Variants in CHD9 observed in about 807,000 individuals in gnomAD.
CHD9 encodes ATP-dependent chromatin remodeler CHD9.
In CHD9, 77 loss-of-function variants were observed where a neutral mutation model predicts 316.1. The observed-to-expected ratio is 0.24, with a 90% CI of 0.20 to 0.29. The LOEUF is 0.29. Ranked by LOEUF, CHD9 falls within the 10% of genes least tolerant of loss-of-function variation. The probability of loss-of-function intolerance (pLI) is 1.00; values close to 1 mark genes in which losing one functional copy is unlikely to be tolerated. For missense variants in CHD9, 2,763 were observed against 3,438.1 expected, an observed-to-expected ratio of 0.80 and a Z score of 4.91; for synonymous variants, 1,129 against 1,158.3, an observed-to-expected ratio of 0.97 and a Z score of 0.51.
At chr16:53,238,237 TA>T in intron 11 of CHD9, 105 bp from the exon 12 acceptor site, 1 of 1,085,762 alleles carries the variant, frequency 9.2e-7, no homozygotes, top group Non-Finnish European at 1.3e-6. Context: ...TACATTTTTA[TA>T]AATGCAACTA....
In CHD9 at chr16:53,303,836, T is replaced by C; in HGVS notation, c.5830T>C (p.Leu1944=). ...GGAACAGGCCCTTCGACATCCACAGTTGTTTGAACGCTTGAAGCTTTGCCA... is the reference window on the plus strand; with the variant it reads ...GGAACAGGCCCTTCGACATCCACAGCTGTTTGAACGCTTGAAGCTTTGCCA... The part of the protein sequence containing the change: ...VREQALRHPQ[L]FERLKLCHPN... The change falls in exon 31 of 39, where the codon TTG becomes CTG. Residue 1944 remains leucine (L), a synonymous_variant. Coordinates refer to ENST00000447540, the MANE Select transcript of CHD9 (RefSeq NM_001308319.2). The C allele has an allele frequency of 6.2e-7, 1 of 1,614,018 alleles. No homozygotes were observed. The highest frequency in any genetic ancestry group is 8.5e-7 in the Non-Finnish European group (1 of 1,179,888).
chr16:53,148,563 C>T (rs779194878), intron 1 of CHD9, among the ~76,000 whole-genome samples: 9 of 152,180 alleles, frequency 5.9e-5, no homozygotes, highest in Admixed American at 2.0e-4. Context: ...AGTGATATCT[C>T]ATTGTGATTT....
At chr16:53,135,135 C>G (rs2039620744) in intron 1 of CHD9, among the ~76,000 whole-genome samples, 1 of 152,004 alleles carries the variant, frequency 6.6e-6, no homozygotes, top group Non-Finnish European at 1.5e-5. Flanking sequence ...TGTTTGAAGG[C>G]TATGACACAG....
chr16:53,319,802 C>A (rs976416873), intron 37 of CHD9: 1 of 1,255,630 alleles, frequency 8.0e-7, no homozygotes, highest in Admixed American at 2.4e-5. Context: ...TCTTGAGTCT[C>A]TCGGGTACAG....
intron 37 of CHD9, among the ~76,000 whole-genome samples, chr16:53,320,844 T>C (rs2057227942): frequency 6.6e-6 from 1 of 152,148 alleles, no homozygotes. Flanking sequence ...AGGGTGTCAA[T>C]ATATATAATC....
intron 1 of CHD9, among the ~76,000 whole-genome samples, chr16:53,148,225 T>G (rs999377352): frequency 1.3e-5 from 2 of 151,852 alleles, no homozygotes; most frequent in African/African-American, 2.4e-5. Flanking sequence ...TATATAAAAT[T>G]TTGCTTATTT....
chr16:53,224,376 A>C (rs1011459928), intron 4 of CHD9, among the ~76,000 whole-genome samples: 28 of 152,210 alleles, frequency 1.8e-4, no homozygotes, highest in African/African-American at 6.5e-4. Context: ...TACCTAAGTA[A>C]TGTGTAACTA....
At chr16:53,121,481 A>C (rs2152655172) in intron 1 of CHD9, 1 of 454,674 alleles carries the variant, frequency 2.2e-6, no homozygotes, top group South Asian at 1.6e-5. Flanking sequence ...TTTGAACTGT[A>C]AAGTAGGATC....
chr16:53,056,204 T>C lies in CHD9; in HGVS notation c.-165+1127T>C, dbSNP rs554384807. On this transcript the variant is annotated intron_variant, in intron 1 of 38. Transcript: ENST00000447540. ...CTGCGCCCCGCTGACCCCTTATGTTTATATAACAGCAGTGTTACTAACATG... is the reference window on the plus strand; with the variant it reads ...CTGCGCCCCGCTGACCCCTTATGTTCATATAACAGCAGTGTTACTAACATG... Among the ~76,000 whole-genome samples, 233 of 152,310 alleles carry C rather than the reference T, an allele frequency of 1.5e-3. 4 individuals carry two copies. In the Middle Eastern group the frequency reaches 0.017, roughly 11 times the overall value.
intron 4 of CHD9, among the ~76,000 whole-genome samples, chr16:53,226,117 AC>A (rs1022018919): frequency 5.3e-5 from 8 of 152,256 alleles, no homozygotes; most frequent in Admixed American, 2.0e-4. Context: ...TTCCAAATTA[AC>A]ATAATAAAAG....
Position 53,156,022 on chromosome 16 carries a change from T to G in CHD9, c.-68T>G. ...GACCTTCGGAAATGATCCAATAATA[T>G]CTACTATAGAGAAGCTGAATATACT... On this transcript the variant is annotated 5_prime_UTR_variant, in exon 2 of 39. Coordinates refer to ENST00000447540, the MANE Select transcript of CHD9 (RefSeq NM_001308319.2). 2.1e-6 allele frequency: 3 copies of G among 1,433,076 alleles called. No homozygotes were observed. Among genetic ancestry groups the G allele is most frequent in the Non-Finnish European group, 2.8e-6 (3 of 1,063,008 alleles). 88.8% of individuals were successfully genotyped at this position (1,433,076 alleles called of 1,614,324 possible).
In CHD9 at chr16:53,254,178, A is replaced by G. The variant is rs533844862; in HGVS notation, c.3862-260A>G. On this transcript the variant is annotated intron_variant, in intron 17 of 38. Transcript: ENST00000447540. ...GGTGACAGAGCAAGACTCCATCTCA[A>G]AAAACAAACAAAAAAAATAGTCCTT... 8.5e-5 allele frequency among the ~76,000 whole-genome samples: 13 copies of G among 152,282 alleles called. No homozygotes were observed. The East Asian group carries it at 2.5e-3, about 29-fold the overall frequency.
intron 2 of CHD9, among the ~76,000 whole-genome samples, chr16:53,180,832 C>T (rs898425849): frequency 2.6e-5 from 4 of 151,870 alleles, no homozygotes; most frequent in East Asian, 1.9e-4. Context: ...CCCGCCACCA[C>T]GCCCGGCTAA....
At chr16:53,316,125 G>T (rs1202141897) in intron 36 of CHD9, among the ~76,000 whole-genome samples, 1 of 152,036 alleles carries the variant, frequency 6.6e-6, no homozygotes, top group Non-Finnish European at 1.5e-5. Context: ...GTCTTGCTCA[G>T]GCCGGTCTCA....
chr16:53,277,958 C>T (rs2053018651), intron 24 of CHD9, among the ~76,000 whole-genome samples: 2 of 151,800 alleles, frequency 1.3e-5, no homozygotes, highest in South Asian at 2.1e-4. Context: ...TCCTGTACAC[C>T]AGCAGCGACC....
intron 2 of CHD9, among the ~76,000 whole-genome samples, chr16:53,192,307 A>T (rs78403859): frequency 0.014 from 2,136 of 152,328 alleles, 45 homozygotes; most frequent in African/African-American, 0.049. Flanking sequence ...CCAGAAATCT[A>T]GGAATAGGTA....
At chr16:53,150,436 C>T (rs1339966166) in intron 1 of CHD9, among the ~76,000 whole-genome samples, 1 of 152,188 alleles carries the variant, frequency 6.6e-6, no homozygotes, top group Non-Finnish European at 1.5e-5. Flanking sequence ...CATCGGTCTA[C>T]ATTGTGTGCT....
At chr16:53,075,032 G>A (rs1157858805) in intron 1 of CHD9, among the ~76,000 whole-genome samples, 4 of 152,186 alleles carry the variant, frequency 2.6e-5, no homozygotes, top group African/African-American at 4.8e-5. Context: ...AAAGCCAGAG[G>A]GGCAGAGCTG....
At position 53,303,968 on chromosome 16, in the gene CHD9, C is replaced by A. The variant is rs759000971; in HGVS notation, c.5962C>A (p.Arg1988Ser). Residue 1988 changes from arginine to serine, a missense_variant, in exon 31 of 39, where the codon CGT becomes AGT. Arg to Ser is a moderately radical substitution (Grantham distance 110). Around this residue, in one of 15 missense-constraint regions of CHD9, gnomAD observed 663 missense variants for 751.2 expected, o/e 0.88. Coordinates refer to ENST00000447540, the MANE Select transcript of CHD9 (RefSeq NM_001308319.2). ...GAGCCGAACAGACTATCACATTCTT[C>A]GTGATCCTGAACTCTCATTTATGGC... ...GVSRTDYHIL[R>S]DPELSFMAAQ... The A allele has an allele frequency of 1.1e-5, 17 of 1,614,026 alleles. 1 individual carries two copies. In the South Asian group the frequency reaches 1.8e-4, roughly 17 times the overall value.
Sources: gnomAD v4.1 joint callset for allele counts (sites outside exome capture counted in the v4.1 genomes callset) on GRCh38, gnomAD v4.1.1 for gene constraint, gnomAD v4.1.1 regional missense constraint, MANE v1.5 for transcripts, NCBI Gene and HGNC (gene_info 2026-07-23, HGNC 2026-07-21) for gene names.